The following MOK variants were observed in gnomAD, a reference collection of about 807,000 sequenced individuals.
MOK encodes the protein MAPK/MAK/MRK overlapping kinase.
A neutral mutation model predicts 54.2 loss-of-function variants in MOK; 59 were observed. The observed-to-expected ratio is 1.09, with a 90% CI of 0.88 to 1.35. The LOEUF is 1.35. Among genes scored for constraint, MOK ranks in the 40% most tolerant of loss-of-function variants. The pLI, the probability that MOK is intolerant of heterozygous loss-of-function variation, is 0.00. For synonymous variants in MOK, 210 were observed against 202.7 expected (o/e 1.04, Z -0.31); for missense variants, 517 against 526.2 (o/e 0.98, Z 0.17).
At chr14:102,293,922 T>G (rs1597609467) in intron 1 of MOK, among the ~76,000 whole-genome samples, 2 of 152,300 alleles carry the variant, frequency 1.3e-5, no homozygotes, top group East Asian at 3.9e-4. Context: ...AGTGAAAGTG[T>G]TGGCTAAGTG....
chr14:102,215,342 G>A, the MOK span, among the ~76,000 whole-genome samples: 24 of 152,292 alleles, frequency 1.6e-4, no homozygotes, highest in African/African-American at 5.8e-4. Flanking sequence ...CCTGGGCCAC[G>A]AGCTGGCTTT....
the MOK span, among the ~76,000 whole-genome samples, chr14:102,217,348 G>A: frequency 2.0e-5 from 3 of 152,200 alleles, no homozygotes; most frequent in Non-Finnish European, 2.9e-5. Flanking sequence ...AGATCGCAGC[G>A]GAGCCCTTAG....
intron 4 of MOK, among the ~76,000 whole-genome samples, chr14:102,263,095 G>A (rs765742273): frequency 1.3e-5 from 2 of 152,216 alleles, no homozygotes; most frequent in Non-Finnish European, 2.9e-5. Flanking sequence ...GGAAATGAAC[G>A]AGCATCCTGG....
chr14:102,299,854 T>A (rs752480063), intron 1 of MOK, among the ~76,000 whole-genome samples: 25 of 152,126 alleles, frequency 1.6e-4, no homozygotes, highest in Non-Finnish European at 3.4e-4. Flanking sequence ...AAGTGCTGGG[T>A]TTACAGACAT....
At chr14:102,257,301 G>A (rs1473502469) in intron 4 of MOK, among the ~76,000 whole-genome samples, 3 of 152,092 alleles carry the variant, frequency 2.0e-5, no homozygotes, top group African/African-American at 7.2e-5. Flanking sequence ...TGGCAGAAGA[G>A]GCATGATTCC....
At chr14:102,294,087 C>T (rs1228097883) in intron 1 of MOK, among the ~76,000 whole-genome samples, 1 of 152,036 alleles carries the variant, frequency 6.6e-6, no homozygotes, top group Non-Finnish European at 1.5e-5. Context: ...ATCACCTGAT[C>T]CCAGGAGTTT....
In MOK at chr14:102,236,255, A is replaced by G. The variant is rs558479868; in HGVS notation, c.591-2466T>C. On this transcript the variant is annotated intron_variant, in intron 7 of 11. Coordinates refer to ENST00000361847, the MANE Select transcript of MOK (RefSeq NM_014226.3). This position sits in a 1 kb window ranked among gnomAD's most constrained non-coding sequence, Gnocchi z 4.5. ...CCCAGGGCCCCCGGCCCCATCTGCC[A>G]TCACTGCATTGGAGCCCAGGGTAAC... 1.2e-4 allele frequency among the ~76,000 whole-genome samples: 19 copies of G among 152,328 alleles called. No homozygotes were observed. Among genetic ancestry groups the G allele is most frequent in the African/African-American group, 4.6e-4 (19 of 41,584 alleles).
At position 102,299,142 on chromosome 14, in the gene MOK, A is replaced by G. The variant is rs917772981; in HGVS notation, c.7+5820T>C. Reference sequence around the variant, plus strand: ...GGACACACCAGCATTTAAGAAAGACAAATTACTTGACTCTTTCCATGGCGG... The same window carrying G: ...GGACACACCAGCATTTAAGAAAGACGAATTACTTGACTCTTTCCATGGCGG... On this transcript the variant is annotated intron_variant, in intron 1 of 11. Coordinates refer to ENST00000361847, the MANE Select transcript of MOK (RefSeq NM_014226.3). Among the ~76,000 whole-genome samples the G allele has an allele frequency of 2.6e-5, 4 of 152,164 alleles. No individual in the cohort carries two copies. In the East Asian group the frequency reaches 7.7e-4, roughly 29 times the overall value.
At chr14:102,298,360 T>C (rs1238216524) in intron 1 of MOK, among the ~76,000 whole-genome samples, 2 of 152,072 alleles carry the variant, frequency 1.3e-5, no homozygotes, top group Non-Finnish European at 2.9e-5. Flanking sequence ...TCAAAGTTTG[T>C]AAACACACCA....
intron 4 of MOK, among the ~76,000 whole-genome samples, chr14:102,252,565 C>T (rs2066618621): frequency 6.6e-6 from 1 of 152,060 alleles, no homozygotes; most frequent in African/African-American, 2.4e-5. Flanking sequence ...ATAGAGGCTT[C>T]TTTTACATCC....
At chr14:102,252,862 G>T in intron 4 of MOK, among the ~76,000 whole-genome samples, 1 of 152,304 alleles carries the variant, frequency 6.6e-6, no homozygotes, top group South Asian at 2.1e-4. Flanking sequence ...GCTATTTCAC[G>T]GTTACGCTAA....
chr14:102,242,113 C>T lies in MOK; in HGVS notation c.591-8324G>A, dbSNP rs114370903. On this transcript the variant is annotated intron_variant, in intron 7 of 11. Coordinates refer to ENST00000361847, the MANE Select transcript of MOK (RefSeq NM_014226.3). ...CTTTAGCGGCTGAAGACTAATGCTA[C>T]CTGATTGCCTCGGAAGCCTCCTGGA... Among the ~76,000 whole-genome samples the T allele has an allele frequency of 4.6e-3, 705 of 152,330 alleles. 6 individuals are homozygous for T. The highest frequency in any genetic ancestry group is 0.016 in the African/African-American group (654 of 41,580).
At chr14:102,275,520 C>T (rs1183170954) in intron 2 of MOK, among the ~76,000 whole-genome samples, 1 of 146,494 alleles carries the variant, frequency 6.8e-6, no homozygotes, top group Non-Finnish European at 1.5e-5. Context: ...GCAGAGATAG[C>T]GCCACTGCAG....
At chr14:102,263,700 T>C in intron 3 of MOK, 84 bp from the exon 4 acceptor site, 1 of 940,178 alleles carries the variant, frequency 1.1e-6, no homozygotes, top group Non-Finnish European at 1.6e-6. Context: ...TTTGTAAACA[T>C]TTCTAGTAAA....
rs557560596 is a variant in MOK at position 102,279,455 on chromosome 14, A to AT, written c.122+4022dup. Among the ~76,000 whole-genome samples the AT allele has an allele frequency of 1.8e-3, 278 of 152,104 alleles. 2 individuals carry two copies. Among genetic ancestry groups the AT allele is most frequent in the Non-Finnish European group, 2.6e-3 (180 of 67,972 alleles). The stretch of plus-strand genomic sequence containing the variant: ...AGCTAGGACTACAGGCACCACCACT[A>AT]TGCCCAGCTAACTTTTTTATTTCTT... On this transcript the variant is annotated intron_variant, in intron 2 of 11. Transcript: ENST00000361847.
chr14:102,232,695 T>C lies in MOK; in HGVS notation c.706A>G (p.Asn236Asp). ...LTKFKQSRAM[N>D]FDFPFKKGSG... ...CCCTTTTTAAAAGGAAAATCAAAAT[T>C]CATAGCTCTCGACCTGTATTAAAAA... The change falls in exon 9 of 12, where the codon AAT (asparagine) becomes GAT (aspartate). Residue 236 changes from asparagine (N) to aspartate (D), a missense_variant. Transcript: ENST00000361847. The surrounding 1 kb of genome is among the most constrained non-coding windows in gnomAD (Gnocchi z 5.1). 6.2e-7 allele frequency: 1 copy of C among 1,613,606 alleles called. No individual in the cohort carries two copies. Among genetic ancestry groups the C allele is most frequent in the Non-Finnish European group, 8.5e-7 (1 of 1,179,694 alleles).
intron 7 of MOK, among the ~76,000 whole-genome samples, chr14:102,242,429 C>A (rs2065790889): frequency 1.3e-5 from 2 of 152,072 alleles, no homozygotes; most frequent in South Asian, 4.1e-4. Flanking sequence ...ACTATAGCCA[C>A]ACCTCATTGC....
At chr14:102,278,819 T>C (rs1307488396) in intron 2 of MOK, 2 of 405,248 alleles carry the variant, frequency 4.9e-6, no homozygotes, top group Non-Finnish European at 1.0e-5. Context: ...GTAATCTTAC[T>C]ATTATTATCT....
At position 102,300,249 on chromosome 14, in the gene MOK, G is replaced by A. The variant is rs145603368; in HGVS notation, c.7+4713C>T. The stretch of plus-strand genomic sequence containing the variant: ...TGAGGCAGAAGAATCACTTGAACCC[G>A]GGAGGTGGAGGTTGCAGTGAGCCGA... On this transcript the variant is annotated intron_variant, in intron 1 of 11. Coordinates refer to ENST00000361847, the MANE Select transcript of MOK (RefSeq NM_014226.3). Among the ~76,000 whole-genome samples, 32 of 151,576 alleles carry A rather than the reference G, an allele frequency of 2.1e-4. No homozygotes were observed. The East Asian group carries it at 5.4e-3, about 26-fold the overall frequency.
Sources: gnomAD v4.1 joint callset for allele counts (sites outside exome capture counted in the v4.1 genomes callset) on GRCh38, gnomAD v4.1.1 for gene constraint, Gnocchi (gnomAD v3.1) non-coding constraint, MANE v1.5 for transcripts, NCBI Gene and HGNC (gene_info 2026-07-23, HGNC 2026-07-21) for gene names.